Variants in SVIL observed in about 807,000 individuals in gnomAD.
The protein encoded by SVIL is archvillin.
In SVIL, 101 loss-of-function variants were observed where a neutral mutation model predicts 240.4. The ratio of observed to expected loss-of-function variants is 0.42; its 90% CI spans 0.36 to 0.50. The LOEUF (loss-of-function observed/expected upper bound fraction) is 0.50. Among genes scored for constraint, SVIL ranks in the 20% least tolerant of loss-of-function variants. The pLI is 0.01. For missense variants in SVIL, 2,512 were observed against 2,818.7 expected (o/e 0.89, Z 2.46); for synonymous variants, 999 against 1,100.0 (o/e 0.91, Z 1.82).
At chr10:29,660,667 T>G (rs1589467752) in intron 2 of SVIL, among the ~76,000 whole-genome samples, 1 of 152,274 alleles carries the variant, frequency 6.6e-6, no homozygotes, top group East Asian at 1.9e-4. Flanking sequence ...AGAAACATTC[T>G]CATCCCTCCC....
At chr10:29,492,527 G>C (rs571799342) in intron 21 of SVIL, among the ~76,000 whole-genome samples, 2 of 151,932 alleles carry the variant, frequency 1.3e-5, no homozygotes, top group African/African-American at 2.4e-5. Context: ...GGCTGAGCCG[G>C]CAAACCCCTC....
intron 29 of SVIL, among the ~76,000 whole-genome samples, chr10:29,476,022 AGT>A (rs892153511): frequency 7.9e-5 from 12 of 152,222 alleles, no homozygotes; most frequent in African/African-American, 2.9e-4. Flanking sequence ...GACTAAGCAC[AGT>A]CTTTTGTACC....
intron 1 of SVIL, among the ~76,000 whole-genome samples, chr10:29,703,439 T>A (rs112625245): frequency 0.034 from 5,144 of 152,254 alleles, 283 homozygotes; most frequent in African/African-American, 0.11. Flanking sequence ...CCCAAATGCA[T>A]CACTCTTTTC....
intron 1 of SVIL, among the ~76,000 whole-genome samples, chr10:29,734,375 C>T (rs1162760477): frequency 5.3e-5 from 8 of 152,162 alleles, no homozygotes; most frequent in Non-Finnish European, 1.0e-4. Context: ...GTCCATAAAG[C>T]GCTCTTCAGT....
intron 3 of SVIL, among the ~76,000 whole-genome samples, chr10:29,647,011 C>T (rs1339120745): frequency 6.6e-6 from 1 of 152,204 alleles, no homozygotes; most frequent in African/African-American, 2.4e-5. Context: ...TAGGTAGGAA[C>T]TATAAGGTTT....
intron 20 of SVIL, 133 bp from the exon 21 acceptor site, chr10:29,493,524 T>A (rs1948159413): frequency 1.0e-6 from 1 of 982,966 alleles, no homozygotes; most frequent in East Asian, 2.6e-5. Flanking sequence ...ATATACAGGG[T>A]CCTGTGGTTG....
At chr10:29,703,259 C>T (rs1962652867) in intron 1 of SVIL, among the ~76,000 whole-genome samples, 1 of 152,194 alleles carries the variant, frequency 6.6e-6, no homozygotes. Flanking sequence ...CCTCTTAACA[C>T]TGGATTTGAG....
rs371057179 is a variant in SVIL, at chr10:29,579,885, G to T, written c.-200-10573C>A. Among the ~76,000 whole-genome samples the T allele has an allele frequency of 1.5e-3, 222 of 150,200 alleles. 8 individuals are homozygous for T. The South Asian group carries it at 0.044, about 30-fold the overall frequency. On this transcript the variant is annotated intron_variant, in intron 1 of 37. Coordinates refer to ENST00000355867, the MANE Select transcript of SVIL (RefSeq NM_021738.3). ...CTGTGACCTCCCCTGGCTCATCACT[G>T]GGGGGCGGATGCAAGGCTGAGGGTC...
chr10:29,617,451 C>T (rs558923414), intron 1 of SVIL, among the ~76,000 whole-genome samples: 70 of 151,768 alleles, frequency 4.6e-4, no homozygotes, highest in Non-Finnish European at 6.2e-4. Context: ...CGTGGTGGTG[C>T]GCACCTGTAG....
chr10:29,559,117 G>A (rs780703433), intron 3 of SVIL, among the ~76,000 whole-genome samples: 44 of 151,772 alleles, frequency 2.9e-4, no homozygotes, highest in Middle Eastern at 3.4e-3. Context: ...ATGTTGTAAC[G>A]CTGTTGTTTT....
rs141644777 is a variant in SVIL, at chr10:29,562,961, T to G, written c.-51+240A>C. 9.7e-3 allele frequency among the ~76,000 whole-genome samples: 1,473 copies of G among 152,078 alleles called. 23 individuals carry two copies. Among genetic ancestry groups the G allele is most frequent in the African/African-American group, 0.033 (1,367 of 41,446 alleles). ...TGTCTCACCCGCCACACCCAGCCTC[T>G]GGCGAAAACCTGAGGATGCCTAAAA... On this transcript the variant is annotated intron_variant, in intron 3 of 37. Coordinates refer to ENST00000355867, the MANE Select transcript of SVIL (RefSeq NM_021738.3).
intron 5 of SVIL, among the ~76,000 whole-genome samples, chr10:29,554,181 C>T (rs191317807): frequency 7.8e-4 from 118 of 152,106 alleles, no homozygotes; most frequent in Middle Eastern, 3.4e-3. Flanking sequence ...CATGGTGGCA[C>T]GCGCTCATAG....
At chr10:29,673,585 G>A (rs1485500313) in intron 2 of SVIL, among the ~76,000 whole-genome samples, 1 of 98,842 alleles carries the variant, frequency 1.0e-5, no homozygotes. Flanking sequence ...AGGGGGGAGA[G>A]AGAGAGAGAG....
At chr10:29,730,138 G>A (rs4436464) in intron 1 of SVIL, among the ~76,000 whole-genome samples, 87,848 of 151,826 alleles carry the variant, frequency 0.58, 26,124 homozygotes, top group African/African-American at 0.71. Flanking sequence ...TGATCACACC[G>A]CTGTACTCCA....
At chr10:29,603,420 C>T (rs1956890274) in intron 1 of SVIL, among the ~76,000 whole-genome samples, 1 of 152,102 alleles carries the variant, frequency 6.6e-6, no homozygotes, top group Admixed American at 6.6e-5. Context: ...AAATAAAATG[C>T]TGTATGTACT....
intron 1 of SVIL, among the ~76,000 whole-genome samples, chr10:29,721,039 GT>G (rs2132693505): frequency 1.3e-5 from 2 of 152,168 alleles, no homozygotes; most frequent in Middle Eastern, 3.4e-3. Flanking sequence ...AAGAGATGGG[GT>G]TTTTGCCATG....
chr10:29,516,467 T>G (rs139955616), intron 16 of SVIL, among the ~76,000 whole-genome samples: 2,032 of 152,354 alleles, frequency 0.013, 56 homozygotes, highest in African/African-American at 0.047. Flanking sequence ...GAGGGAGATC[T>G]TCCCAAATGT....
rs1261501352 is a variant in SVIL, at chr10:29,506,605, AAGGCCCTAGAGGGAGGGGACAG to A, written c.3516+6108_3516+6129del. ...AAAGCCCCAGTCCTGCTGGGGAGAC[AAGGCCCTAGAGGGAGGGGACAG>A]AGGCCCTAGAGGGAGGGGACAGAGG... On this transcript the variant is annotated intron_variant, in intron 17 of 37. Transcript: ENST00000355867. Among the ~76,000 whole-genome samples the A allele has an allele frequency of 6.8e-3, 1,013 of 148,480 alleles. 14 individuals are homozygous for A. The highest frequency in any genetic ancestry group is 0.019 in the African/African-American group (758 of 40,062).
At chr10:29,594,140 A>T (rs1337532918) in intron 1 of SVIL, among the ~76,000 whole-genome samples, 1 of 152,214 alleles carries the variant, frequency 6.6e-6, no homozygotes, top group African/African-American at 2.4e-5. Context: ...ACTATTTAAA[A>T]TGTTATGTAA....
Sources: gnomAD v4.1 joint callset for allele counts (sites outside exome capture counted in the v4.1 genomes callset) on GRCh38, gnomAD v4.1.1 for gene constraint, MANE v1.5 for transcripts, NCBI Gene and HGNC (gene_info 2026-07-23, HGNC 2026-07-21) for gene names.